The following RELN variants were observed in gnomAD, a reference collection of about 807,000 sequenced individuals.
The protein encoded by RELN is reelin.
Under a neutral mutation model 427.6 loss-of-function variants are expected in RELN, and 108 were observed. The ratio of observed to expected loss-of-function variants is 0.25; its 90% confidence interval spans 0.22 to 0.30. The LOEUF (loss-of-function observed/expected upper bound fraction) is 0.30. Among genes scored for constraint, RELN ranks in the 10% least tolerant of loss-of-function variants. The probability of loss-of-function intolerance (pLI) is 1.00; values close to 1 mark genes in which losing one functional copy is unlikely to be tolerated. For missense variants in RELN, 3,715 were observed against 4,302.8 expected, an observed-to-expected ratio of 0.86 and a Z score of 3.82; for synonymous variants, 1,524 against 1,513.4, an observed-to-expected ratio of 1.01 and a Z score of -0.16.
At chr7:103,677,392 C>G (rs1286034939) in intron 11 of RELN, among the ~76,000 whole-genome samples, 1 of 143,682 alleles carries the variant, frequency 7.0e-6, no homozygotes, top group Non-Finnish European at 1.5e-5. Context: ...CACATGTAAC[C>G]CAGAACTTAA....
intron 8 of RELN, among the ~76,000 whole-genome samples, chr7:103,710,974 G>A (rs1789781258): frequency 6.6e-6 from 1 of 152,152 alleles, no homozygotes; most frequent in Non-Finnish European, 1.5e-5. Flanking sequence ...AACCCAGGAG[G>A]CAAAGGTTGC....
chr7:103,631,286 CTT>C (rs545808640), intron 19 of RELN, among the ~76,000 whole-genome samples: 24 of 77,804 alleles, frequency 3.1e-4, no homozygotes, highest in African/African-American at 1.1e-3. Flanking sequence ...AAAAACACTT[CTT>C]TTTTTTTTTT....
Position 103,566,735 on chromosome 7 carries a change from T to C in RELN, c.4613A>G (p.Asp1538Gly), listed in dbSNP as rs1197813514. 2.4e-5 allele frequency: 39 copies of C among 1,614,024 alleles called. No homozygotes were observed. Among genetic ancestry groups the C allele is most frequent in the Non-Finnish European group, 3.3e-5 (39 of 1,179,958 alleles). ...AAGCAAATGCCAGAGTATCCCATTG[T>C]CATTTGAATACTGAACAATAAGCCC... is the stretch of plus-strand genomic sequence containing the variant. ...NEGLIVQYSN[D>G]NGILWHLLRE... Residue 1538 changes from aspartate (D) to glycine (G), a missense_variant, in exon 32 of 65, where the codon GAC becomes GGC. Asp to Gly is a moderately conservative substitution (Grantham distance 94). Transcript: ENST00000428762.
At chr7:103,709,076 G>A (rs981903938) in intron 8 of RELN, among the ~76,000 whole-genome samples, 1 of 152,124 alleles carries the variant, frequency 6.6e-6, no homozygotes, top group African/African-American at 2.4e-5. Context: ...AAGCCCTTCC[G>A]AGACTCATCA....
At chr7:103,738,769 G>A (rs887726598) in intron 6 of RELN, among the ~76,000 whole-genome samples, 11 of 127,114 alleles carry the variant, frequency 8.7e-5, no homozygotes, top group East Asian at 2.8e-4. Flanking sequence ...TGCAACCTCC[G>A]CCTCCTGGGT....
intron 5 of RELN, among the ~76,000 whole-genome samples, chr7:103,749,953 T>C (rs1790954119): frequency 6.6e-6 from 1 of 151,310 alleles, no homozygotes; most frequent in African/African-American, 2.4e-5. Context: ...GCTGTTCTCA[T>C]GACAGTGAGT....
At position 103,888,244 on chromosome 7, in the gene RELN, A is replaced by AAT. The variant is rs58051859; in HGVS notation, c.337+28829_337+28830dup. 2.1e-3 allele frequency among the ~76,000 whole-genome samples: 247 copies of AAT among 116,726 alleles called. 1 individual carries two copies. Among genetic ancestry groups the AAT allele is most frequent in the African/African-American group, 5.4e-3 (189 of 34,970 alleles). The allele number at this position is 116,726 out of a possible 152,430, so 76.6% of individuals were successfully genotyped here. A position where few individuals can be genotyped will look rare whatever the true frequency, so the allele number is the denominator to read the frequency against. ...TATACCAGCTCTTTTAAGAAAAAAA[A>AAT]ATATATATATATATATCACCCGAGA... On this transcript the variant is annotated intron_variant, in intron 2 of 64. Coordinates refer to ENST00000428762, the MANE Select transcript of RELN (RefSeq NM_005045.4).
intron 2 of RELN, among the ~76,000 whole-genome samples, chr7:103,838,539 G>A (rs1793470658): frequency 2.0e-5 from 3 of 152,120 alleles, no homozygotes; most frequent in South Asian, 2.1e-4. Context: ...AGAGTCCCAG[G>A]AAAATCACAG....
At chr7:103,855,806 G>A (rs1705924984) in intron 2 of RELN, among the ~76,000 whole-genome samples, 1 of 152,140 alleles carries the variant, frequency 6.6e-6, no homozygotes, top group African/African-American at 2.4e-5. Context: ...CATTCTCCCT[G>A]TATCTCTGTA....
chr7:103,913,946 G>A (rs1795424750), intron 2 of RELN, among the ~76,000 whole-genome samples: 1 of 152,158 alleles, frequency 6.6e-6, no homozygotes, highest in African/African-American at 2.4e-5. Context: ...AAAGGATCTA[G>A]TGTAAGACCT....
chr7:103,802,734 T>C (rs1050471410), intron 3 of RELN, among the ~76,000 whole-genome samples: 2 of 152,118 alleles, frequency 1.3e-5, no homozygotes, highest in African/African-American at 4.8e-5. Context: ...AAGGCACAGA[T>C]TGGCTTTAGG....
At chr7:103,737,238 G>T (rs1790517709) in intron 6 of RELN, among the ~76,000 whole-genome samples, 1 of 152,190 alleles carries the variant, frequency 6.6e-6, no homozygotes, top group Non-Finnish European at 1.5e-5. Context: ...GCCACTTGCT[G>T]TTGAGAAAAT....
At chr7:103,552,391 CATATT>C (rs1452685268) in intron 40 of RELN, among the ~76,000 whole-genome samples, 1 of 151,674 alleles carries the variant, frequency 6.6e-6, no homozygotes, top group Non-Finnish European at 1.5e-5. Flanking sequence ...ATACACTATA[CATATT>C]ATGTGTGTGT....
intron 51 of RELN, among the ~76,000 whole-genome samples, chr7:103,503,865 T>G (rs1334625426): frequency 6.6e-6 from 1 of 150,548 alleles, no homozygotes; most frequent in Non-Finnish European, 1.5e-5. Flanking sequence ...TATAAATTTT[T>G]TTCTCCAGAA....
At chr7:103,495,271 T>A (rs78281261) in intron 57 of RELN, among the ~76,000 whole-genome samples, 2,173 of 151,252 alleles carry the variant, frequency 0.014, 59 homozygotes, top group African/African-American at 0.05. Flanking sequence ...TTATTATTTC[T>A]CAGCCTCCCA....
Position 103,640,633 on chromosome 7 carries a change from T to TA in RELN, c.2003-25dup. On this transcript the variant is annotated intron_variant, in intron 16 of 64. Transcript: ENST00000428762. The surrounding 1 kb of genome is among the most constrained non-coding windows in gnomAD (Gnocchi z 4.1). ...AACTGTGGGAGGGAAAAAGAGAACA[T>TA]AATTACAAAAACATAGAACACTACC... 6.2e-7 allele frequency: 1 copy of TA among 1,612,076 alleles called. No individual in the cohort carries two copies. Among genetic ancestry groups the TA allele is most frequent in the South Asian group, 1.1e-5 (1 of 91,002 alleles).
At chr7:103,657,159 A>G (rs1457081097) in intron 12 of RELN, among the ~76,000 whole-genome samples, 1 of 152,058 alleles carries the variant, frequency 6.6e-6, no homozygotes, top group Non-Finnish European at 1.5e-5. Flanking sequence ...GTGACAATGT[A>G]TATCTCATCC....
intron 24 of RELN, among the ~76,000 whole-genome samples, chr7:103,602,953 C>T (rs1161138672): frequency 6.6e-6 from 1 of 152,106 alleles, no homozygotes; most frequent in Non-Finnish European, 1.5e-5. Flanking sequence ...ACTGACACAC[C>T]CTCCAAAGGC....
intron 10 of RELN, among the ~76,000 whole-genome samples, chr7:103,693,893 C>T (rs887585917): frequency 1.2e-4 from 18 of 152,258 alleles, no homozygotes; most frequent in African/African-American, 4.3e-4. Context: ...CTGAAAACAC[C>T]TCCTGCCTTC....
Sources: gnomAD v4.1 joint callset for allele counts (sites outside exome capture counted in the v4.1 genomes callset) on GRCh38, gnomAD v4.1.1 for gene constraint, Gnocchi (gnomAD v3.1) non-coding constraint, MANE v1.5 for transcripts, NCBI Gene and HGNC (gene_info 2026-07-23, HGNC 2026-07-21) for gene names.